Variants in GNA11 observed in about 807,000 individuals in gnomAD.
GNA11 encodes the protein G protein subunit alpha 11.
Under a neutral mutation model 38.2 loss-of-function variants are expected in GNA11, and 8 were observed. That is an observed-to-expected ratio of 0.21 (90% CI 0.12 to 0.38). The LOEUF is 0.38. Ranked by LOEUF, GNA11 falls within the 10% of genes least tolerant of loss-of-function variation. The pLI, the probability that GNA11 is intolerant of heterozygous loss-of-function variation, is 1.00. For synonymous variants in GNA11, 211 were observed against 221.4 expected (o/e 0.95, Z 0.42); for missense variants, 268 against 516.3 (o/e 0.52, Z 4.66).
chr19:3,101,272 G>A (rs1230333599), intron 1 of GNA11, among the ~76,000 whole-genome samples: 1 of 152,152 alleles, frequency 6.6e-6, no homozygotes, highest in African/African-American at 2.4e-5. Flanking sequence ...GGACTTGTGC[G>A]GCCTGCAGAG....
At position 3,113,356 on chromosome 19, in the gene GNA11, G is replaced by A. The variant is rs1244219907; in HGVS notation, c.348G>A (p.Val116=). ...CCAATGCGCTCCTGATCCGGGAGGT[G>A]GACGTGGAGAAGGTGACCACCTTCG... ...NKANALLIRE[V]DVEKVTTFEH... The change falls in exon 3 of 7, where the codon GTG becomes GTA. Residue 116 remains valine, a synonymous_variant. Coordinates refer to ENST00000078429, the MANE Select transcript of GNA11 (RefSeq NM_002067.5). 6.2e-7 allele frequency: 1 copy of A among 1,613,450 alleles called. No homozygotes were observed. The highest frequency in any genetic ancestry group is 8.5e-7 in the Non-Finnish European group (1 of 1,179,946).
At position 3,094,863 on chromosome 19, in the gene GNA11, G is replaced by C; in HGVS notation, c.136+76G>C. 3 of 1,150,898 alleles carry C rather than the reference G, an allele frequency of 2.6e-6. No homozygotes were observed. The South Asian group carries it at 5.7e-5, about 22-fold the overall frequency. The allele number at this position is 1,150,898 out of a possible 1,614,324, so 71.3% of individuals were successfully genotyped here. Reference sequence around the variant, plus strand: ...CTGCCCTGCCTGTCCGGGTCGGGCCGGGACCCTCCGGGGTCAGCCCTGCCT... The same window carrying C: ...CTGCCCTGCCTGTCCGGGTCGGGCCCGGACCCTCCGGGGTCAGCCCTGCCT... On this transcript the variant is annotated intron_variant, in intron 1 of 6. Coordinates refer to ENST00000078429, the MANE Select transcript of GNA11 (RefSeq NM_002067.5). The surrounding 1 kb of genome is among the most constrained non-coding windows in gnomAD (Gnocchi z 6.0).
intron 1 of GNA11, among the ~76,000 whole-genome samples, chr19:3,105,326 G>A (rs909235624): frequency 3.2e-4 from 47 of 148,022 alleles, no homozygotes; most frequent in Admixed American, 3.1e-3. Flanking sequence ...ACAGTGGCTT[G>A]TAAACTACCC....
chr19:3,113,353 G>T lies in GNA11; in HGVS notation c.345G>T (p.Glu115Asp), dbSNP rs1197262629. 10 of 1,613,464 alleles carry T rather than the reference G, an allele frequency of 6.2e-6. No homozygotes were observed. The highest frequency in any genetic ancestry group is 8.5e-6 in the Non-Finnish European group (10 of 1,179,944). Residue 115 changes from glutamate (E) to aspartate (D), a missense_variant, in exon 3 of 7, where the codon GAG (glutamate) becomes GAT (aspartate). By Grantham distance (45) the Glu-to-Asp change is conservative. Around this residue, in one of 3 missense-constraint regions of GNA11, gnomAD observed 151 missense variants for 254.0 expected, o/e 0.59. Coordinates refer to ENST00000078429, the MANE Select transcript of GNA11 (RefSeq NM_002067.5). Reference sequence around the variant, plus strand: ...AGGCCAATGCGCTCCTGATCCGGGAGGTGGACGTGGAGAAGGTGACCACCT... The same window carrying T: ...AGGCCAATGCGCTCCTGATCCGGGATGTGGACGTGGAGAAGGTGACCACCT... ...QNKANALLIR[E>D]VDVEKVTTFE...
At chr19:3,104,500 G>T (rs959883571) in intron 1 of GNA11, among the ~76,000 whole-genome samples, 1 of 152,208 alleles carries the variant, frequency 6.6e-6, no homozygotes. Context: ...TGGTTGTGTG[G>T]GGGGCTCCCT....
intron 2 of GNA11, among the ~76,000 whole-genome samples, chr19:3,112,496 C>T (rs961978039): frequency 2.6e-5 from 4 of 152,326 alleles, no homozygotes; most frequent in African/African-American, 7.2e-5. Flanking sequence ...TCGGCCTGTG[C>T]GCCCCGGGGA....
intron 1 of GNA11, among the ~76,000 whole-genome samples, chr19:3,099,676 G>C (rs1461544350): frequency 6.6e-6 from 1 of 152,200 alleles, no homozygotes; most frequent in Non-Finnish European, 1.5e-5. Context: ...CTGTGGTCCA[G>C]TCTCCCACCC....
chr19:3,112,983 C>A (rs1211426094), intron 2 of GNA11, among the ~76,000 whole-genome samples: 2 of 152,188 alleles, frequency 1.3e-5, no homozygotes, highest in Non-Finnish European at 2.9e-5. Context: ...CTGCACTGCC[C>A]TCCTGTGGGT....
At chr19:3,107,971 T>C (rs917896631) in intron 1 of GNA11, among the ~76,000 whole-genome samples, 2 of 152,186 alleles carry the variant, frequency 1.3e-5, no homozygotes, top group Non-Finnish European at 2.9e-5. Context: ...GGGTTTGACC[T>C]TTTGTGGATG....
At chr19:3,096,041 A>G (rs1205601157) in intron 1 of GNA11, among the ~76,000 whole-genome samples, 1 of 152,034 alleles carries the variant, frequency 6.6e-6, no homozygotes. Flanking sequence ...GCGGTGGGGA[A>G]GGTCGGAAAT....
Position 3,120,564 on chromosome 19 carries a change from C to T in GNA11, c.890-425C>T, listed in dbSNP as rs1025388231. Among the ~76,000 whole-genome samples the T allele has an allele frequency of 2.6e-5, 4 of 151,874 alleles. No individual in the cohort carries two copies. Among genetic ancestry groups the T allele is most frequent in the South Asian group, 4.2e-4 (2 of 4,818 alleles). ...TGAGGCCTGGCTGCAGCAGGGGCAC[C>T]GTGGGTGGGTGGGGGCCACTGTTCC... On this transcript the variant is annotated intron_variant, in intron 6 of 6. Transcript: ENST00000078429. This position sits in a 1 kb window ranked among gnomAD's most constrained non-coding sequence, Gnocchi z 5.9.
Position 3,122,244 on chromosome 19 carries a change from C to T in GNA11, c.*1065C>T, listed in dbSNP as rs1225511688. Reference sequence around the variant, plus strand: ...TTACAGAATATTCTCAGGTGTGTACCCGAGAGGCAGAGAGAGGGACGTGGC... The same window carrying T: ...TTACAGAATATTCTCAGGTGTGTACTCGAGAGGCAGAGAGAGGGACGTGGC... On this transcript the variant is annotated 3_prime_UTR_variant, in exon 7 of 7. Transcript: ENST00000078429. This position sits in a 1 kb window ranked among gnomAD's most constrained non-coding sequence, Gnocchi z 7.7. 5 of 232,834 alleles carry T rather than the reference C, an allele frequency of 2.1e-5. No individual in the cohort carries two copies. The East Asian group carries it at 3.0e-4, about 14-fold the overall frequency. 14.4% of individuals were successfully genotyped at this position (232,834 alleles called of 1,614,324 possible).
chr19:3,097,571 G>A (rs527804580), intron 1 of GNA11, among the ~76,000 whole-genome samples: 9 of 152,222 alleles, frequency 5.9e-5, no homozygotes, highest in South Asian at 4.1e-4. Flanking sequence ...GAAGAACGCC[G>A]CGTCTGCTCG....
At chr19:3,115,128 G>C (rs1383209479) in intron 4 of GNA11, 56 bp downstream of exon 4, 1 of 1,582,030 alleles carries the variant, frequency 6.3e-7, no homozygotes, top group Non-Finnish European at 8.6e-7. Flanking sequence ...CATTTGCCCG[G>C]TGTGCCGGCT....
chr19:3,122,435 C>T lies in GNA11; in HGVS notation c.*1256C>T, dbSNP rs56253400. 648 of 231,316 alleles carry T rather than the reference C, an allele frequency of 2.8e-3. No homozygotes were observed. The highest frequency in any genetic ancestry group is 4.0e-3 in the Non-Finnish European group (468 of 116,770). 14.3% of individuals were successfully genotyped at this position (231,316 alleles called of 1,614,324 possible). ...GGCCTGGCTGGCCACGACCACGGCC[C>T]GAGGGGGAGCCCGCCAGGCCACGCC... On this transcript the variant is annotated 3_prime_UTR_variant, in exon 7 of 7. Transcript: ENST00000078429. The surrounding 1 kb of genome is among the most constrained non-coding windows in gnomAD (Gnocchi z 7.7).
In GNA11 at chr19:3,115,233, A is replaced by T. The variant is rs1446775603; in HGVS notation, c.605+161A>T. ...ACCCTGGGCAACATAGCCAGACCTC[A>T]TATCTAAAAAAAATTTTAAAAATTA... On this transcript the variant is annotated intron_variant, in intron 4 of 6. Transcript: ENST00000078429. 5 of 724,954 alleles carry T rather than the reference A, an allele frequency of 6.9e-6. No individual in the cohort carries two copies. In the African/African-American group the frequency reaches 7.3e-5, roughly 11 times the overall value. 44.9% of individuals were successfully genotyped at this position (724,954 alleles called of 1,614,324 possible).
At position 3,114,112 on chromosome 19, in the gene GNA11, C is replaced by T. The variant is rs556645393; in HGVS notation, c.476+628C>T. On this transcript the variant is annotated intron_variant, in intron 3 of 6. Coordinates refer to ENST00000078429, the MANE Select transcript of GNA11 (RefSeq NM_002067.5). The stretch of plus-strand genomic sequence containing the variant: ...GGGAGAGACCCTAAGGCGACAGGGA[C>T]AGGCCTGTCCCCCGCCCCTCCTGCC... Among the ~76,000 whole-genome samples, 587 of 152,228 alleles carry T rather than the reference C, an allele frequency of 3.9e-3. 2 individuals carry two copies. Among genetic ancestry groups the T allele is most frequent in the Non-Finnish European group, 5.7e-3 (390 of 67,974 alleles).
intron 1 of GNA11, among the ~76,000 whole-genome samples, chr19:3,095,484 C>A (rs1197036536): frequency 6.6e-6 from 1 of 150,588 alleles, no homozygotes; most frequent in Non-Finnish European, 1.5e-5. Context: ...GCCCTGTACA[C>A]TCCATGCAGG....
chr19:3,095,515 C>T (rs1436955905), intron 1 of GNA11, among the ~76,000 whole-genome samples: 1 of 151,992 alleles, frequency 6.6e-6, no homozygotes, highest in South Asian at 2.1e-4. Context: ...TCCATGCAGG[C>T]CCTGTACACC....
Sources: gnomAD v4.1 joint callset for allele counts (sites outside exome capture counted in the v4.1 genomes callset) on GRCh38, gnomAD v4.1.1 for gene constraint, gnomAD v4.1.1 regional missense constraint, Gnocchi (gnomAD v3.1) non-coding constraint, MANE v1.5 for transcripts, NCBI Gene and HGNC (gene_info 2026-07-23, HGNC 2026-07-21) for gene names.